Variants in INTS1 observed in about 807,000 individuals in gnomAD.
INTS1 encodes integrator complex subunit 1.
INTS1 carries 137 observed loss-of-function variants against 241.6 expected under a neutral mutation model. That is an observed-to-expected ratio of 0.57 (90% CI 0.49 to 0.65). INTS1 has a LOEUF of 0.65. Among genes scored for constraint, INTS1 ranks in the 30% least tolerant of loss-of-function variants. The pLI is 0.00. For missense variants in INTS1, 3,073 were observed against 3,032.2 expected (o/e 1.01, Z -0.32); for synonymous variants, 1,692 against 1,337.8 (o/e 1.26, Z -5.78).
intron 14 of INTS1, chr7:1,494,587 T>G (rs1782753600): frequency 1.7e-6 from 1 of 591,414 alleles, no homozygotes. Flanking sequence ...GGCTGGGGCT[T>G]GGAGTCACGT....
intron 26 of INTS1, 198 bp downstream of exon 26, chr7:1,483,544 C>T: frequency 1.6e-6 from 1 of 625,778 alleles, no homozygotes. Flanking sequence ...GGGGATCTCC[C>T]ACACGTCCAC....
chr7:1,478,580 C>G, intron 32 of INTS1, 74 bp from the exon 33 acceptor site: 1 of 1,548,406 alleles, frequency 6.5e-7, no homozygotes. Flanking sequence ...AGGGAGGCCC[C>G]ACGGTAGAAG....
At chr7:1,499,422 CCT>C (rs1199844912) in intron 6 of INTS1, 49 bp downstream of exon 6, 1 of 1,557,038 alleles carries the variant, frequency 6.4e-7, no homozygotes, top group Non-Finnish European at 8.7e-7. Context: ...CCACCCCTCC[CCT>C]GCCCTGGGGC....
At chr7:1,492,673 T>C (rs1782619412) in intron 16 of INTS1, among the ~76,000 whole-genome samples, 1 of 152,186 alleles carries the variant, frequency 6.6e-6, no homozygotes, top group African/African-American at 2.4e-5. Context: ...GAAAAAGGTA[T>C]GACTGAGCTG....
chr7:1,483,644 C>T (rs1384883268), intron 26 of INTS1, 98 bp downstream of exon 26: 1 of 933,606 alleles, frequency 1.1e-6, no homozygotes, highest in Non-Finnish European at 1.7e-6. Flanking sequence ...GGGCTTCCCG[C>T]CCAGAAGCAA....
Position 1,476,345 on chromosome 7 carries a change from G to C in INTS1, c.5262C>G (p.Ala1754=). Residue 1754 remains alanine (A), a synonymous_variant, in exon 38 of 48, where the codon GCC becomes GCG. Coordinates refer to ENST00000404767, the MANE Select transcript of INTS1 (RefSeq NM_001080453.3). ...GCAGCCGGGCCTGGATGAGGCTGCA[G>C]GCGGCTGTGTCCCCGTCCTGGCTCC... The part of the protein sequence containing the change: ...ETRSQDGDTA[A]CSLIQARLPL... The C allele has an allele frequency of 6.3e-7, 1 of 1,579,974 alleles. No homozygotes were observed. Among genetic ancestry groups the C allele is most frequent in the East Asian group, 2.3e-5 (1 of 43,132 alleles).
intron 33 of INTS1, 73 bp downstream of exon 33, chr7:1,478,293 C>A (rs929515936): frequency 3.3e-6 from 5 of 1,523,308 alleles, no homozygotes; most frequent in African/African-American, 1.4e-5. Context: ...CCCCACTGGG[C>A]AGCTAGAAGG....
intron 42 of INTS1, 47 bp from the exon 43 acceptor site, chr7:1,473,231 G>C (rs1174446474): frequency 7.1e-7 from 1 of 1,400,962 alleles, no homozygotes; most frequent in Admixed American, 1.7e-5. Flanking sequence ...GCTGGCAGGA[G>C]GAAGGCTGGG....
At position 1,477,251 on chromosome 7, in the gene INTS1, G is replaced by A. The variant is rs541428108; in HGVS notation, c.4938+299C>T. 2.0e-3 allele frequency among the ~76,000 whole-genome samples: 299 copies of A among 152,318 alleles called. 1 individual carries two copies. The highest frequency in any genetic ancestry group is 2.4e-3 in the Non-Finnish European group (161 of 68,016). On this transcript the variant is annotated intron_variant, in intron 35 of 47. Coordinates refer to ENST00000404767, the MANE Select transcript of INTS1 (RefSeq NM_001080453.3). ...GCCCCATTCCCTTTGGGAAGATGGA[G>A]GCCCCTACATGATCTACAGGGTTTG...
chr7:1,494,446 G>C (rs1043377163), intron 14 of INTS1: 4 of 329,048 alleles, frequency 1.2e-5, no homozygotes, highest in Non-Finnish European at 2.3e-5. Flanking sequence ...AGGCCAGCCG[G>C]CTGGGGAAGG....
At chr7:1,488,035 G>A (rs989575911) in intron 18 of INTS1, 78 bp from the exon 19 acceptor site, 13 of 1,498,332 alleles carry the variant, frequency 8.7e-6, no homozygotes, top group Non-Finnish European at 1.2e-5. Flanking sequence ...CAGGGTCAAG[G>A]AGGGTAAAAC....
At chr7:1,474,935 G>C in intron 39 of INTS1, 97 bp from the exon 40 acceptor site, 1 of 1,458,642 alleles carries the variant, frequency 6.9e-7, no homozygotes, top group Admixed American at 2.1e-5. Flanking sequence ...GATCCACCGC[G>C]TGGCACGCCA....
chr7:1,478,081 C>T (rs1439530869), intron 33 of INTS1, 145 bp from the exon 34 acceptor site: 6 of 754,998 alleles, frequency 7.9e-6, no homozygotes, highest in Non-Finnish European at 1.3e-5. Context: ...GAGGAGAGTG[C>T]AGCCGGGGCC....
chr7:1,473,063 C>T lies in INTS1; in HGVS notation c.6070+9G>A, dbSNP rs1462687270. 1.3e-6 allele frequency: 2 copies of T among 1,571,070 alleles called. No homozygotes were observed. Among genetic ancestry groups the T allele is most frequent in the Non-Finnish European group, 1.7e-6 (2 of 1,149,870 alleles). ...GCTGCTTCCAGCAGCCCCTGGCAGCCCCACTCACCCTCGCCCTCTTCGTCC... is the reference window on the plus strand; with the variant it reads ...GCTGCTTCCAGCAGCCCCTGGCAGCTCCACTCACCCTCGCCCTCTTCGTCC... On this transcript the variant is annotated intron_variant, in intron 43 of 47. Transcript: ENST00000404767.
intron 11 of INTS1, among the ~76,000 whole-genome samples, chr7:1,496,575 G>A (rs1782871193): frequency 6.6e-6 from 1 of 152,160 alleles, no homozygotes; most frequent in Non-Finnish European, 1.5e-5. Flanking sequence ...GGGATCCAGA[G>A]AGAGAGCCCA....
chr7:1,488,718 C>T (rs1177548374), intron 18 of INTS1, among the ~76,000 whole-genome samples: 2 of 152,216 alleles, frequency 1.3e-5, no homozygotes, highest in Admixed American at 6.5e-5. Context: ...TTGGCCACTG[C>T]CCTTGGTGTG....
At chr7:1,501,856 G>A (rs564036607) in intron 3 of INTS1, among the ~76,000 whole-genome samples, 3 of 152,158 alleles carry the variant, frequency 2.0e-5, no homozygotes, top group Non-Finnish European at 4.4e-5. Flanking sequence ...TCTCATGAGC[G>A]TGTGCTGCCC....
At chr7:1,500,082 G>A (rs2128544865) in intron 4 of INTS1, 61 bp from the exon 5 acceptor site, 3 of 1,596,548 alleles carry the variant, frequency 1.9e-6, no homozygotes, top group East Asian at 2.2e-5. Flanking sequence ...AAGCTGGGGT[G>A]GGCCGGGAGG....
Position 1,473,093 on chromosome 7 carries a change from C to G in INTS1, c.6049G>C (p.Gly2017Arg). 1 of 1,609,590 alleles carries G rather than the reference C, an allele frequency of 6.2e-7. No homozygotes were observed. Among genetic ancestry groups the G allele is most frequent in the East Asian group, 2.2e-5 (1 of 44,802 alleles). Reference sequence around the variant, plus strand: ...TCACCCTCGCCCTCTTCGTCCAGGCCTCGGTCGGTCCTGTCGTCCCTGCTG... The same window carrying G: ...TCACCCTCGCCCTCTTCGTCCAGGCGTCGGTCGGTCCTGTCGTCCCTGCTG... ...LPSRDDRTDR[G>R]LDEEGEEESS... The change falls in exon 43 of 48, where the codon GGC (glycine) becomes CGC (arginine). Residue 2017 changes from glycine (G) to arginine (R), a missense_variant. Coordinates refer to ENST00000404767, the MANE Select transcript of INTS1 (RefSeq NM_001080453.3).
Sources: allele counts gnomAD v4.1 joint callset (sites outside exome capture counted in the v4.1 genomes callset), GRCh38; gene constraint gnomAD v4.1.1; transcripts MANE v1.5; gene names NCBI Gene and HGNC (gene_info 2026-07-23, HGNC 2026-07-21).